Variants in NRXN1 observed in about 807,000 individuals in gnomAD.
The protein encoded by NRXN1 is neurexin-1.
A neutral mutation model predicts 150.9 loss-of-function variants in NRXN1; 39 were observed. That is an observed-to-expected ratio of 0.26 (90% CI 0.20 to 0.34). The LOEUF (loss-of-function observed/expected upper bound fraction) is 0.34. Among genes scored for constraint, NRXN1 ranks in the 10% least tolerant of loss-of-function variants. NRXN1 has a pLI of 1.00. For synonymous variants in NRXN1, 924 were observed against 757.0 expected (o/e 1.22, Z -3.62); for missense variants, 1,815 against 1,949.9 (o/e 0.93, Z 1.30).
intron 17 of NRXN1, among the ~76,000 whole-genome samples, chr2:50,391,557 A>C (rs1392989606): frequency 1.3e-5 from 2 of 152,170 alleles, no homozygotes; most frequent in Non-Finnish European, 2.9e-5. Flanking sequence ...AATCTAATAC[A>C]TGATATTGAA....
intron 18 of NRXN1, among the ~76,000 whole-genome samples, chr2:50,224,234 A>T (rs1160041812): frequency 6.6e-6 from 1 of 151,992 alleles, no homozygotes; most frequent in African/African-American, 2.4e-5. Context: ...GTACAAAGAA[A>T]AATGAAGCTT....
At chr2:50,323,886 C>G (rs1251332637) in intron 17 of NRXN1, among the ~76,000 whole-genome samples, 2 of 152,076 alleles carry the variant, frequency 1.3e-5, no homozygotes, top group Non-Finnish European at 2.9e-5. Flanking sequence ...ATTCATCATA[C>G]AATTCTAGGA....
intron 17 of NRXN1, among the ~76,000 whole-genome samples, chr2:50,384,439 G>C (rs2081177641): frequency 6.9e-6 from 1 of 145,484 alleles, no homozygotes; most frequent in Non-Finnish European, 1.5e-5. Context: ...TCAAGAGGTG[G>C]AGGTTGCAGT....
intron 17 of NRXN1, among the ~76,000 whole-genome samples, chr2:50,405,229 A>C (rs1173852181): frequency 2.0e-5 from 3 of 152,164 alleles, no homozygotes; most frequent in Non-Finnish European, 4.4e-5. Context: ...GATATGCATC[A>C]CAGAAAAGTT....
intron 17 of NRXN1, among the ~76,000 whole-genome samples, chr2:50,279,608 A>T (rs1483375613): frequency 1.3e-5 from 2 of 152,130 alleles, no homozygotes; most frequent in African/African-American, 4.8e-5. Context: ...ATATCAAACA[A>T]CTCTGATGAA....
intron 5 of NRXN1, among the ~76,000 whole-genome samples, chr2:50,885,849 ACAC>A (rs1680156970): frequency 1.3e-5 from 2 of 151,072 alleles, no homozygotes; most frequent in Admixed American, 1.3e-4. Context: ...ACACACACAC[ACAC>A]GTCTATACCA....
At chr2:50,077,503 G>C (rs183904837) in intron 19 of NRXN1, among the ~76,000 whole-genome samples, 1 of 151,564 alleles carries the variant, frequency 6.6e-6, no homozygotes, top group Non-Finnish European at 1.5e-5. Context: ...TGCTTGTTTC[G>C]CCTCTAACCA....
At chr2:50,676,012 TGTTCAAAC>T (rs1689489759) in intron 5 of NRXN1, among the ~76,000 whole-genome samples, 1 of 152,146 alleles carries the variant, frequency 6.6e-6, no homozygotes, top group South Asian at 2.1e-4. Context: ...GTTGAACTCA[TGTTCAAAC>T]GTAACCTCCA....
chr2:50,440,071 A>G (rs1381434735), intron 17 of NRXN1, among the ~76,000 whole-genome samples: 3 of 152,166 alleles, frequency 2.0e-5, no homozygotes, highest in Admixed American at 1.3e-4. Flanking sequence ...ATTTACGGAC[A>G]CTTCAACTCA....
At chr2:50,509,707 C>G (rs1420564459) in intron 12 of NRXN1, among the ~76,000 whole-genome samples, 2 of 152,162 alleles carry the variant, frequency 1.3e-5, no homozygotes, top group African/African-American at 4.8e-5. Flanking sequence ...ATAGTAACTT[C>G]AAGCTGTTAA....
chr2:50,862,901 G>A (rs1242461345), intron 5 of NRXN1, among the ~76,000 whole-genome samples: 1 of 151,952 alleles, frequency 6.6e-6, no homozygotes, highest in Non-Finnish European at 1.5e-5. Context: ...CTACTTGTAA[G>A]GAATAAGGCA....
intron 17 of NRXN1, among the ~76,000 whole-genome samples, chr2:50,341,947 A>G (rs2077576586): frequency 6.6e-6 from 1 of 152,160 alleles, no homozygotes; most frequent in South Asian, 2.1e-4. Flanking sequence ...TAAGGAAAAA[A>G]TTGAATTTGC....
intron 5 of NRXN1, among the ~76,000 whole-genome samples, chr2:50,672,445 A>G (rs917107754): frequency 6.6e-6 from 1 of 152,014 alleles, no homozygotes; most frequent in African/African-American, 2.4e-5. Flanking sequence ...TGTGGTCAAG[A>G]GGTAACACAT....
chr2:50,727,589 A>T (rs1697546884), intron 5 of NRXN1, among the ~76,000 whole-genome samples: 1 of 152,186 alleles, frequency 6.6e-6, no homozygotes, highest in Non-Finnish European at 1.5e-5. Context: ...TACATCTTAA[A>T]AAAACCTAAC....
At chr2:50,528,198 T>C (rs1273200939) in intron 12 of NRXN1, among the ~76,000 whole-genome samples, 1 of 152,148 alleles carries the variant, frequency 6.6e-6, no homozygotes, top group Non-Finnish European at 1.5e-5. Context: ...TGTAAAACTT[T>C]AGATGGGTTT....
Position 50,347,159 on chromosome 2 carries a change from G to C in NRXN1, c.3365-110189C>G, listed in dbSNP as rs1188294307. ...AGCACCCCAAACAATCCGAAACATA[G>C]CCGAGGCGAATGCAGCTGGAGAGGG... On this transcript the variant is annotated intron_variant, in intron 17 of 22. Coordinates refer to ENST00000401669, the MANE Select transcript of NRXN1 (RefSeq NM_001330078.2). This position sits in a 1 kb window ranked among gnomAD's most constrained non-coding sequence, Gnocchi z 4.9. 1 of 1,371,322 alleles carries C rather than the reference G, an allele frequency of 7.3e-7. No homozygotes were observed. The highest frequency in any genetic ancestry group is 9.6e-7 in the Non-Finnish European group (1 of 1,043,316). The allele number at this position is 1,371,322 out of a possible 1,614,324, so 84.9% of individuals were successfully genotyped here. A position where few individuals can be genotyped will look rare whatever the true frequency, so the allele number is the denominator to read the frequency against.
At chr2:50,098,867 T>G (rs1194465881) in intron 18 of NRXN1, among the ~76,000 whole-genome samples, 1,029 of 56,630 alleles carry the variant, frequency 0.018, 135 homozygotes, top group African/African-American at 0.035. Flanking sequence ...TTTTTTTTTT[T>G]TTTTTTTTTT....
chr2:50,310,579 G>A (rs2075090497), intron 17 of NRXN1, among the ~76,000 whole-genome samples: 1 of 151,880 alleles, frequency 6.6e-6, no homozygotes, highest in Admixed American at 6.6e-5. Context: ...TCTTATTAAA[G>A]AATAATAAAT....
At chr2:50,803,598 C>T (rs1052440891) in intron 5 of NRXN1, among the ~76,000 whole-genome samples, 1 of 152,090 alleles carries the variant, frequency 6.6e-6, no homozygotes, top group Non-Finnish European at 1.5e-5. Flanking sequence ...AGTTCTCTTC[C>T]TTGGCAGAAA....
Sources: gnomAD v4.1 joint callset for allele counts (sites outside exome capture counted in the v4.1 genomes callset) on GRCh38, gnomAD v4.1.1 for gene constraint, Gnocchi (gnomAD v3.1) non-coding constraint, MANE v1.5 for transcripts, NCBI Gene and HGNC (gene_info 2026-07-23, HGNC 2026-07-21) for gene names.